The following SORCS1 variants were observed in gnomAD, a reference collection of about 807,000 sequenced individuals.
The protein encoded by SORCS1 is sortilin related VPS10 domain containing receptor 1.
In SORCS1, 60 loss-of-function variants were observed where a neutral mutation model predicts 146.1. The ratio of observed to expected loss-of-function variants is 0.41; its 90% CI spans 0.33 to 0.51. SORCS1 has a LOEUF of 0.51. SORCS1 is among the 20% of genes least tolerant of loss of function. The pLI, the probability that SORCS1 is intolerant of heterozygous loss-of-function variation, is 0.21. For missense variants in SORCS1, 1,352 were observed against 1,487.6 expected (o/e 0.91, Z 1.50); for synonymous variants, 637 against 584.0 (o/e 1.09, Z -1.31).
intron 24 of SORCS1, among the ~76,000 whole-genome samples, chr10:106,581,214 C>T (rs891028507): frequency 4.6e-5 from 7 of 152,048 alleles, no homozygotes; most frequent in African/African-American, 1.7e-4. Context: ...ACTATGATCC[C>T]CATTAAACAG....
At position 106,706,602 on chromosome 10, in the gene SORCS1, C is replaced by G. The variant is rs755819635; in HGVS notation, c.1176G>C (p.Val392=). 7 of 1,613,996 alleles carry G rather than the reference C, an allele frequency of 4.3e-6. No individual in the cohort carries two copies. The highest frequency in any genetic ancestry group is 1.7e-5 in the Admixed American group (1 of 59,986). Residue 392 remains valine, a synonymous_variant, in exon 8 of 26, where the codon GTG becomes GTC. Coordinates refer to ENST00000263054, the MANE Select transcript of SORCS1 (RefSeq NM_052918.5). ...LTSGGRPHYY[V]SYRRNAFAQM... The stretch of plus-strand genomic sequence containing the variant: ...GGGCAAATGCATTCCTTCGGTAGGA[C>G]ACGTAGTAATGTGGCCGCCCTCCTG...
chr10:106,627,991 G>A (rs1848210110), intron 19 of SORCS1, among the ~76,000 whole-genome samples: 1 of 152,186 alleles, frequency 6.6e-6, no homozygotes, highest in Non-Finnish European at 1.5e-5. Flanking sequence ...TACTTCAAGG[G>A]ACTGTTTTGA....
chr10:106,656,214 C>T (rs1480831064), intron 17 of SORCS1, among the ~76,000 whole-genome samples: 1 of 152,166 alleles, frequency 6.6e-6, no homozygotes, highest in African/African-American at 2.4e-5. Flanking sequence ...TGCCCCTACC[C>T]TCTTTGACTT....
At chr10:106,683,944 C>A (rs541306222) in intron 10 of SORCS1, among the ~76,000 whole-genome samples, 3 of 152,246 alleles carry the variant, frequency 2.0e-5, no homozygotes, top group Admixed American at 2.0e-4. Flanking sequence ...TATATAGAGT[C>A]ACAGACAATG....
intron 2 of SORCS1, among the ~76,000 whole-genome samples, chr10:106,834,580 T>C (rs1056104466): frequency 6.6e-6 from 1 of 152,120 alleles, no homozygotes; most frequent in Non-Finnish European, 1.5e-5. Context: ...GATCTTAATT[T>C]CGTAAGAAAG....
At chr10:107,054,029 T>C (rs1960373151) in intron 1 of SORCS1, among the ~76,000 whole-genome samples, 1 of 152,178 alleles carries the variant, frequency 6.6e-6, no homozygotes. Context: ...TCAGATTGAA[T>C]TGATCAGTAG....
chr10:106,669,664 C>T (rs1851437657), intron 16 of SORCS1, among the ~76,000 whole-genome samples: 1 of 152,192 alleles, frequency 6.6e-6, no homozygotes, highest in Non-Finnish European at 1.5e-5. Context: ...AAACAGAAGT[C>T]ACACTGGGGA....
intron 13 of SORCS1, 91 bp from the exon 14 acceptor site, chr10:106,675,247 C>T (rs1459985275): frequency 9.9e-6 from 9 of 909,720 alleles, no homozygotes; most frequent in Admixed American, 2.6e-5. Context: ...AGAGATAATA[C>T]ATTTTAAAAG....
intron 5 of SORCS1, among the ~76,000 whole-genome samples, chr10:106,759,259 A>G (rs1858894806): frequency 6.6e-6 from 1 of 152,198 alleles, no homozygotes; most frequent in East Asian, 1.9e-4. Flanking sequence ...AGGAGGAATC[A>G]AGAGGAGATA....
At chr10:106,961,522 C>A (rs185427906) in intron 1 of SORCS1, among the ~76,000 whole-genome samples, 13 of 152,278 alleles carry the variant, frequency 8.5e-5, no homozygotes, top group Non-Finnish European at 1.5e-4. Flanking sequence ...AAAAACATAG[C>A]GTCTTCCTCT....
chr10:106,832,304 T>A (rs1948586368), intron 2 of SORCS1, among the ~76,000 whole-genome samples: 1 of 150,616 alleles, frequency 6.6e-6, no homozygotes, highest in Non-Finnish European at 1.5e-5. Context: ...TTCTCCTGCC[T>A]CAGCCTCCCG....
chr10:107,097,215 T>C (rs1157719842), intron 1 of SORCS1, among the ~76,000 whole-genome samples: 4 of 152,184 alleles, frequency 2.6e-5, no homozygotes, highest in African/African-American at 7.2e-5. Context: ...ACAGCCCAAT[T>C]TGTGATTTAT....
intron 17 of SORCS1, among the ~76,000 whole-genome samples, chr10:106,653,727 A>G (rs977286608): frequency 5.9e-5 from 9 of 152,218 alleles, no homozygotes; most frequent in South Asian, 2.1e-4. Flanking sequence ...GATCACTACA[A>G]TGTCAATTAT....
chr10:106,647,389 T>TACACACACACGCAC (rs1849527960), intron 18 of SORCS1, among the ~76,000 whole-genome samples: 1 of 147,306 alleles, frequency 6.8e-6, no homozygotes, highest in Non-Finnish European at 1.5e-5. Flanking sequence ...TTATAAATTT[T>TACACACACACGCAC]ACACACACAC....
At chr10:106,959,782 G>A (rs567611656) in intron 1 of SORCS1, among the ~76,000 whole-genome samples, 13 of 152,208 alleles carry the variant, frequency 8.5e-5, no homozygotes, top group Non-Finnish European at 1.8e-4. Context: ...TAGTAGCTGG[G>A]AGTGAGGTGC....
intron 17 of SORCS1, among the ~76,000 whole-genome samples, chr10:106,661,665 G>C (rs959882787): frequency 6.6e-6 from 1 of 152,138 alleles, no homozygotes; most frequent in African/African-American, 2.4e-5. Context: ...AATTCTGAAG[G>C]CAAATAGCAA....
At chr10:106,842,472 G>A (rs900584277) in intron 2 of SORCS1, among the ~76,000 whole-genome samples, 1 of 152,118 alleles carries the variant, frequency 6.6e-6, no homozygotes, top group Non-Finnish European at 1.5e-5. Flanking sequence ...GACCTCAGGT[G>A]ATCTGCCCAC....
upstream of SORCS1, among the ~76,000 whole-genome samples, chr10:107,166,704 C>T (rs1247473350): frequency 6.6e-6 from 1 of 152,208 alleles, no homozygotes; most frequent in Non-Finnish European, 1.5e-5. Context: ...TACTTAATGA[C>T]TTCTTTCTAT....
chr10:106,952,923 T>C (rs939326595), intron 2 of SORCS1, among the ~76,000 whole-genome samples: 2 of 151,832 alleles, frequency 1.3e-5, no homozygotes, highest in African/African-American at 4.8e-5. Context: ...TTTGAGGCTG[T>C]AGTAAGCTGT....
Sources: allele counts gnomAD v4.1 joint callset (sites outside exome capture counted in the v4.1 genomes callset), GRCh38; gene constraint gnomAD v4.1.1; transcripts MANE v1.5; gene names NCBI Gene and HGNC (gene_info 2026-07-23, HGNC 2026-07-21).